TVP23A: variants seen among roughly 807,000 people sequenced by gnomAD.
The protein encoded by TVP23A is trans-golgi network vesicle protein 23 homolog A.
In TVP23A, 21 loss-of-function variants were observed where a neutral mutation model predicts 31.7. The ratio of observed to expected loss-of-function variants is 0.66; its 90% confidence interval spans 0.47 to 0.95. The LOEUF (loss-of-function observed/expected upper bound fraction) is 0.95, where lower values mean the gene tolerates loss of function less well. TVP23A is among the 40% of genes least tolerant of loss of function. TVP23A has a pLI of 0.00. For synonymous variants in TVP23A, 104 were observed against 96.0 expected, an observed-to-expected ratio of 1.08 and a Z score of -0.49; for missense variants, 279 against 255.6, an observed-to-expected ratio of 1.09 and a Z score of -0.62.
At chr16:10,759,734 C>T (rs2142736414), downstream of TVP23A, among the ~76,000 whole-genome samples, 1 of 152,292 alleles carries the variant, frequency 6.6e-6, no homozygotes, top group Admixed American at 6.5e-5. The surrounding 1 kb of genome is among the most constrained non-coding windows in gnomAD (Gnocchi z 4.7). Context: ...CGAGATCGCG[C>T]CACTGCACTC....
intron 2 of TVP23A, among the ~76,000 whole-genome samples, chr16:10,783,119 G>C (rs2032524154): frequency 2.0e-5 from 3 of 152,128 alleles, no homozygotes; most frequent in Non-Finnish European, 4.4e-5. Context: ...GGAGACTTCT[G>C]GATGCTGGGA....
rs924091416 is a variant in TVP23A, at chr16:10,779,467, A to C, written c.90-4371T>G. On this transcript the variant is annotated intron_variant, in intron 2 of 7. Coordinates refer to ENST00000299866, the MANE Select transcript of TVP23A (RefSeq NM_001079512.4). This position sits in a 1 kb window ranked among gnomAD's most constrained non-coding sequence, Gnocchi z 4.9. ...AGCAACATGGAGCACACACACACACACCACCAATCACCTCCAGTTCCCAGT... is the reference window on the plus strand; with the variant it reads ...AGCAACATGGAGCACACACACACACCCCACCAATCACCTCCAGTTCCCAGT... 6.6e-6 allele frequency among the ~76,000 whole-genome samples: 1 copy of C among 151,984 alleles called. No homozygotes were observed. The highest frequency in any genetic ancestry group is 1.5e-5 in the Non-Finnish European group (1 of 67,982).
At chr16:10,783,544 C>T (rs1336735335) in intron 2 of TVP23A, among the ~76,000 whole-genome samples, 4 of 152,018 alleles carry the variant, frequency 2.6e-5, no homozygotes, top group Admixed American at 1.3e-4. Context: ...GGCGTGGTGG[C>T]GCGTACCTGT....
In TVP23A at chr16:10,777,789, A is replaced by C. The variant is rs2032146326; in HGVS notation, c.90-2693T>G. ...CACTTTGGGAGGCTGAGGCAGGTGG[A>C]TCACGAGGTCAAGAGACTGAGACCA... On this transcript the variant is annotated intron_variant, in intron 2 of 7. Transcript: ENST00000299866. This position sits in a 1 kb window ranked among gnomAD's most constrained non-coding sequence, Gnocchi z 4.5. 6.6e-6 allele frequency among the ~76,000 whole-genome samples: 1 copy of C among 152,126 alleles called. No individual in the cohort carries two copies. The highest frequency in any genetic ancestry group is 2.1e-4 in the South Asian group (1 of 4,824).
chr16:10,767,093 C>T lies in TVP23A; in HGVS notation c.*2009G>A, dbSNP rs1017554427. ...GGTAGGAACCCCTCCTGGGGTTCAC[C>T]TGAGGCTGGTGACCGGCCATGGGCA... On this transcript the variant is annotated 3_prime_UTR_variant, in exon 8 of 8. Transcript: ENST00000299866. The surrounding 1 kb of genome is among the most constrained non-coding windows in gnomAD (Gnocchi z 4.6). The T allele has an allele frequency of 2.5e-6, 1 of 398,770 alleles. No homozygotes were observed. Among genetic ancestry groups the T allele is most frequent in the East Asian group, 3.6e-5 (1 of 28,074 alleles). The allele number at this position is 398,770 out of a possible 1,614,324, so 24.7% of individuals were successfully genotyped here.
chr16:10,761,354 A>G, exon 9 of TVP23A: 1 of 1,612,932 alleles, frequency 6.2e-7, no homozygotes, highest in Non-Finnish European at 8.5e-7. Flanking sequence ...TGGTCTTTTC[A>G]CCTTCGTAGG....
chr16:10,812,709 G>A (rs1166811165), intron 2 of TVP23A, among the ~76,000 whole-genome samples: 2 of 152,240 alleles, frequency 1.3e-5, no homozygotes, highest in East Asian at 3.9e-4. Flanking sequence ...AATGCATACA[G>A]ACAGAAAGGA....
At position 10,767,984 on chromosome 16, in the gene TVP23A, G is replaced by T; in HGVS notation, c.*1118C>A. The T allele has an allele frequency of 6.2e-7, 1 of 1,613,900 alleles. No homozygotes were observed. The highest frequency in any genetic ancestry group is 1.3e-5 in the African/African-American group (1 of 74,944). ...TGACAAAGGCCAGTCTTTTTTCATT[G>T]ACGCCCCAGATTCCCCAGCCACGTT... On this transcript the variant is annotated 3_prime_UTR_variant, in exon 8 of 8. Transcript: ENST00000299866. The surrounding 1 kb of genome is among the most constrained non-coding windows in gnomAD (Gnocchi z 4.6).
chr16:10,791,404 T>C (rs2033095576), intron 2 of TVP23A, among the ~76,000 whole-genome samples: 1 of 152,176 alleles, frequency 6.6e-6, no homozygotes, highest in African/African-American at 2.4e-5. Context: ...AACTAAGGTT[T>C]TCCTTTTAAT....
chr16:10,798,193 T>TCA, intron 2 of TVP23A, among the ~76,000 whole-genome samples: 1 of 151,966 alleles, frequency 6.6e-6, no homozygotes, highest in African/African-American at 2.4e-5. Flanking sequence ...TCTCCTGACC[T>TCA]TGTTATCTGC....
chr16:10,802,727 T>A (rs915112038), intron 2 of TVP23A, among the ~76,000 whole-genome samples: 1 of 152,258 alleles, frequency 6.6e-6, no homozygotes, highest in Admixed American at 6.5e-5. Context: ...CAATTCAACG[T>A]ATCTTGCTGC....
intron 2 of TVP23A, among the ~76,000 whole-genome samples, chr16:10,801,489 C>T (rs1024996017): frequency 6.6e-6 from 1 of 152,006 alleles, no homozygotes; most frequent in African/African-American, 2.4e-5. Context: ...CTGAGTCTCG[C>T]TCTGTCACCC....
chr16:10,818,098 C>G lies in TVP23A; in HGVS notation c.89+5G>C. On this transcript the variant is annotated splice_donor_5th_base_variant and intron_variant, in intron 2 of 7. Coordinates refer to ENST00000299866, the MANE Select transcript of TVP23A (RefSeq NM_001079512.4). This position sits in a 1 kb window ranked among gnomAD's most constrained non-coding sequence, Gnocchi z 4.7. ...ACGCCTGACCCAAGCTCCATCCCAACACACCTGATCTTGGCTTTCCTAAAG... is the reference window on the plus strand; with the variant it reads ...ACGCCTGACCCAAGCTCCATCCCAAGACACCTGATCTTGGCTTTCCTAAAG... 1 of 1,606,178 alleles carries G rather than the reference C, an allele frequency of 6.2e-7. No individual in the cohort carries two copies.
At chr16:10,788,922 G>A (rs1221115042) in intron 2 of TVP23A, among the ~76,000 whole-genome samples, 1 of 152,202 alleles carries the variant, frequency 6.6e-6, no homozygotes, top group East Asian at 1.9e-4. Flanking sequence ...CTCTGAGCAT[G>A]GGAACATGAT....
At chr16:10,796,902 T>C (rs552694132) in intron 2 of TVP23A, among the ~76,000 whole-genome samples, 1 of 152,184 alleles carries the variant, frequency 6.6e-6, no homozygotes, top group Non-Finnish European at 1.5e-5. Context: ...TGAATTATTT[T>C]AAAGTTTAGA....
intron 2 of TVP23A, among the ~76,000 whole-genome samples, chr16:10,817,235 T>C (rs2034484225): frequency 6.6e-6 from 1 of 152,280 alleles, no homozygotes. Context: ...TAATTTGTTC[T>C]AGCGGCCATA....
intron 2 of TVP23A, among the ~76,000 whole-genome samples, chr16:10,807,811 G>T (rs1410614597): frequency 6.6e-6 from 1 of 152,200 alleles, no homozygotes; most frequent in African/African-American, 2.4e-5. Flanking sequence ...GTCTCGCCCT[G>T]TGAGTATCTG....
chr16:10,813,046 C>A (rs1254457431), intron 2 of TVP23A, among the ~76,000 whole-genome samples: 1 of 152,150 alleles, frequency 6.6e-6, no homozygotes, highest in African/African-American at 2.4e-5. Context: ...ACTTCCCAGG[C>A]CCCCCACCGC....
chr16:10,811,653 C>T lies in TVP23A; in HGVS notation c.89+6450G>A, dbSNP rs184180751. ...AGCAAAGGAAACAAAAGGTACAAAT[C>T]GGCCACTTTAGGAGGCCGAGGCGGG... On this transcript the variant is annotated intron_variant, in intron 2 of 7. Transcript: ENST00000299866. 2.0e-4 allele frequency among the ~76,000 whole-genome samples: 30 copies of T among 152,130 alleles called. 1 individual carries two copies. The East Asian group carries it at 3.3e-3, about 17-fold the overall frequency.
Sources: gnomAD v4.1 joint callset for allele counts (sites outside exome capture counted in the v4.1 genomes callset) on GRCh38, gnomAD v4.1.1 for gene constraint, Gnocchi (gnomAD v3.1) non-coding constraint, MANE v1.5 for transcripts, NCBI Gene and HGNC (gene_info 2026-07-23, HGNC 2026-07-21) for gene names.